FAM200B: variants seen among roughly 807,000 people sequenced by gnomAD.
The protein encoded by FAM200B is zinc finger BED-type containing 11, also known as protein FAM200B.
A neutral mutation model predicts 33.1 loss-of-function variants in FAM200B; 32 were observed. That is an observed-to-expected ratio of 0.97 (90% CI 0.73 to 1.30). The LOEUF (loss-of-function observed/expected upper bound fraction) is 1.30. FAM200B is among the 50% of genes most tolerant of loss of function. The pLI, the probability that FAM200B is intolerant of heterozygous loss-of-function variation, is 0.00. For missense variants in FAM200B, 741 were observed against 754.0 expected, an observed-to-expected ratio of 0.98 and a Z score of 0.20; for synonymous variants, 240 against 264.8, an observed-to-expected ratio of 0.91 and a Z score of 0.91.
chr4:15,688,197 T>C lies in FAM200B; in HGVS notation c.1220T>C (p.Phe407Ser), dbSNP rs756751303. 14 of 1,550,936 alleles carry C rather than the reference T, an allele frequency of 9.0e-6. No homozygotes were observed. The highest frequency in any genetic ancestry group is 2.0e-5 in the Admixed American group (1 of 50,888). Residue 407 changes from phenylalanine to serine, a missense_variant, in exon 2 of 2, where the codon TTT becomes TCT. Coordinates refer to ENST00000422728, the MANE Select transcript of FAM200B (RefSeq NM_001145191.2). ...RVYELRNEIH[F>S]FLIEKKSHLA... ...TATGAGCTCAGGAATGAGATTCACT[T>C]TTTTCTCATTGAAAAAAAATCTCAT...
chr4:15,655,242 A>T, the FAM200B span: 1 of 1,440,300 alleles, frequency 6.9e-7, no homozygotes, highest in Non-Finnish European at 9.3e-7. Flanking sequence ...TTCATCCGCC[A>T]GTGTGGGGCG....
At chr4:15,663,806 AT>A in the FAM200B span, among the ~76,000 whole-genome samples, 2 of 152,196 alleles carry the variant, frequency 1.3e-5, no homozygotes, top group Admixed American at 6.5e-5. Flanking sequence ...TGAACTCACC[AT>A]TTTCTGTCCT....
Position 15,687,977 on chromosome 4 carries a change from G to A in FAM200B, c.1000G>A (p.Ala334Thr). ...TTGTTTTATACATCGTGAAGGTTTA[G>A]CATCCAGAGAAATTCCACAGAATCT... ...NHCFIHREGL[A>T]SREIPQNLME... Residue 334 changes from alanine (A) to threonine (T), a missense_variant, in exon 2 of 2, where the codon GCA becomes ACA. Ala to Thr is a moderately conservative substitution (Grantham distance 58). Transcript: ENST00000422728. 6.4e-7 allele frequency: 1 copy of A among 1,551,268 alleles called. No individual in the cohort carries two copies. The highest frequency in any genetic ancestry group is 1.2e-5 in the South Asian group (1 of 84,060).
At chr4:15,641,664 G>A in the FAM200B span, 26 of 447,998 alleles carry the variant, frequency 5.8e-5, no homozygotes, top group African/African-American at 2.7e-4. Context: ...AAAGTTATAC[G>A]TGGATTTTCA....
chr4:15,687,930 A>C lies in FAM200B; in HGVS notation c.953A>C (p.Asn318Thr). 6.4e-7 allele frequency: 1 copy of C among 1,550,766 alleles called. No homozygotes were observed. The highest frequency in any genetic ancestry group is 8.7e-7 in the Non-Finnish European group (1 of 1,146,298). Residue 318 changes from asparagine (N) to threonine (T), a missense_variant, in exon 2 of 2, where the codon AAT (asparagine) becomes ACT (threonine). Physicochemically the swap from Asn to Thr is moderately conservative, Grantham distance 65. Coordinates refer to ENST00000422728, the MANE Select transcript of FAM200B (RefSeq NM_001145191.2). ...RVIKKLLEVT[N>T]NGAVWNHCFI... ...ATTAAAAAATTACTAGAAGTTACTAATAATGGTGCTGTGTGGAATCATTGT... is the reference window on the plus strand; with the variant it reads ...ATTAAAAAATTACTAGAAGTTACTACTAATGGTGCTGTGTGGAATCATTGT...
the FAM200B span, among the ~76,000 whole-genome samples, chr4:15,641,243 T>C: frequency 6.6e-6 from 1 of 152,204 alleles, no homozygotes; most frequent in East Asian, 1.9e-4. Context: ...AATCCCTTTA[T>C]GGTCATCTAG....
the FAM200B span, among the ~76,000 whole-genome samples, chr4:15,658,938 A>G: frequency 6.6e-6 from 1 of 152,214 alleles, no homozygotes; most frequent in East Asian, 1.9e-4. Context: ...CAGGAGCTTG[A>G]GATATAAAGT....
the FAM200B span, among the ~76,000 whole-genome samples, chr4:15,670,277 C>G: frequency 6.6e-6 from 1 of 152,106 alleles, no homozygotes; most frequent in Admixed American, 6.5e-5. Flanking sequence ...GGGTAAATAC[C>G]TAGGAGTAGA....
the FAM200B span, among the ~76,000 whole-genome samples, chr4:15,655,690 G>A: frequency 6.6e-6 from 1 of 152,230 alleles, no homozygotes; most frequent in Non-Finnish European, 1.5e-5. Context: ...TTGAGGAGAG[G>A]CAGCCAAGCA....
rs1455371087 is a variant in FAM200B, at chr4:15,681,919, C to T, written c.-743+18C>T. 6.5e-6 allele frequency: 1 copy of T among 153,162 alleles called. No homozygotes were observed. Among genetic ancestry groups the T allele is most frequent in the East Asian group, 1.9e-4 (1 of 5,234 alleles). 9.5% of individuals were successfully genotyped at this position (153,162 alleles called of 1,614,324 possible). ...GGCTGGAGGTGAGGCGAAAGAAGGG[C>T]ATCCTCTGATGGGAGTGGACCGGAG... is the stretch of plus-strand genomic sequence containing the variant. On this transcript the variant is annotated intron_variant, in intron 1 of 1. Coordinates refer to ENST00000422728, the MANE Select transcript of FAM200B (RefSeq NM_001145191.2).
At chr4:15,650,929 C>G in the FAM200B span, among the ~76,000 whole-genome samples, 1 of 152,102 alleles carries the variant, frequency 6.6e-6, no homozygotes, top group African/African-American at 2.4e-5. Flanking sequence ...TGCACCCAAC[C>G]TATAACTGAC....
chr4:15,640,066 G>T, the FAM200B span, among the ~76,000 whole-genome samples: 1 of 151,980 alleles, frequency 6.6e-6, no homozygotes, highest in Non-Finnish European at 1.5e-5. Flanking sequence ...TTGGAGACAC[G>T]GTCTTGCTCT....
In FAM200B at chr4:15,688,368, G is replaced by A. The variant is rs745381544; in HGVS notation, c.1391G>A (p.Arg464Gln). Residue 464 changes from arginine (R) to glutamine (Q), a missense_variant, in exon 2 of 2, where the codon CGA (arginine) becomes CAA (glutamine). Physicochemically the swap from Arg to Gln is conservative, Grantham distance 43. Transcript: ENST00000422728. ...CATGTTGAACGTATCCAGGGATTTCGAAAGACATTATTGTTATGGCAAGTA... is the reference window on the plus strand; with the variant it reads ...CATGTTGAACGTATCCAGGGATTTCAAAAGACATTATTGTTATGGCAAGTA... ...FQHVERIQGF[R>Q]KTLLLWQVRL... The A allele has an allele frequency of 6.1e-5, 94 of 1,549,912 alleles. No homozygotes were observed. Among genetic ancestry groups the A allele is most frequent in the Admixed American group, 2.2e-4 (11 of 50,978 alleles).
At position 15,688,080 on chromosome 4, in the gene FAM200B, C is replaced by T; in HGVS notation, c.1103C>T (p.Thr368Ile). 6.4e-7 allele frequency: 1 copy of T among 1,551,120 alleles called. No individual in the cohort carries two copies. ...TCATTGAATAGCCGGCTTCTTGAAA[C>T]ATTTTGTTCAGAGATTGGAACTAAT... The part of the protein sequence containing the change: ...GSSLNSRLLE[T>I]FCSEIGTNHT... The change falls in exon 2 of 2, where the codon ACA becomes ATA. Residue 368 changes from threonine (T) to isoleucine (I), a missense_variant. Transcript: ENST00000422728.
the FAM200B span, chr4:15,660,041 A>G: frequency 2.6e-5 from 4 of 151,920 alleles, no homozygotes; most frequent in African/African-American, 9.7e-5. Flanking sequence ...AAAAAGTATT[A>G]GGAAAGTATC....
At chr4:15,649,155 A>G in the FAM200B span, among the ~76,000 whole-genome samples, 1 of 152,140 alleles carries the variant, frequency 6.6e-6, no homozygotes, top group Non-Finnish European at 1.5e-5. Flanking sequence ...GATGAAGTGA[A>G]AACAAAGCCA....
At chr4:15,667,766 G>A in the FAM200B span, among the ~76,000 whole-genome samples, 1 of 152,238 alleles carries the variant, frequency 6.6e-6, no homozygotes, top group East Asian at 1.9e-4. Flanking sequence ...GGTATAAGAT[G>A]GTCAATTTAT....
the FAM200B span, among the ~76,000 whole-genome samples, chr4:15,665,635 T>C: frequency 6.6e-6 from 1 of 152,200 alleles, no homozygotes; most frequent in Non-Finnish European, 1.5e-5. Context: ...GCATTGTGCA[T>C]ACTAGAGCCC....
At chr4:15,640,945 C>T in the FAM200B span, 1 of 882,510 alleles carries the variant, frequency 1.1e-6, no homozygotes, top group South Asian at 1.9e-5. Flanking sequence ...ATGTCTGGTC[C>T]CAGGAAGTTT....
Sources: gnomAD v4.1 joint callset for allele counts (sites outside exome capture counted in the v4.1 genomes callset) on GRCh38, gnomAD v4.1.1 for gene constraint, MANE v1.5 for transcripts, NCBI Gene and HGNC (gene_info 2026-07-23, HGNC 2026-07-21) for gene names.